CEP164: variants seen among roughly 807,000 people sequenced by gnomAD.
The protein encoded by CEP164 is centrosomal protein 164, also known as centrosomal protein of 164 kDa.
CEP164 carries 162 observed loss-of-function variants against 182.7 expected under a neutral mutation model. That is an observed-to-expected ratio of 0.89 (90% CI 0.78 to 1.01). The LOEUF is 1.01. CEP164 is among the 50% of genes least tolerant of loss of function. CEP164 has a pLI of 0.00. For missense variants in CEP164, 1,735 were observed against 1,790.4 expected (o/e 0.97, Z 0.56); for synonymous variants, 661 against 690.0 (o/e 0.96, Z 0.66).
At chr11:117,327,686 C>T (rs1386034958), upstream of CEP164, among the ~76,000 whole-genome samples, 2 of 152,164 alleles carry the variant, frequency 1.3e-5, no homozygotes, top group African/African-American at 4.8e-5. Flanking sequence ...TTCCCATTAT[C>T]TATCTTAAAC....
chr11:117,388,774 T>C (rs868411615), intron 15 of CEP164, among the ~76,000 whole-genome samples: 3 of 146,948 alleles, frequency 2.0e-5, no homozygotes, highest in Admixed American at 1.3e-4. Context: ...TTTCTCTCTT[T>C]TTTTTTTTTT....
chr11:117,342,897 T>G (rs1373153430), intron 3 of CEP164, among the ~76,000 whole-genome samples: 2 of 152,020 alleles, frequency 1.3e-5, no homozygotes, highest in African/African-American at 4.8e-5. Context: ...TTGTTTGAGA[T>G]GAAGTCTTGC....
Position 117,390,821 on chromosome 11 carries a change from C to A in CEP164, c.1979C>A (p.Ala660Asp). The stretch of plus-strand genomic sequence containing the variant: ...CAGAAAGCCATTGAGGAGGAGGAGG[C>A]CCGGATGAGAGAGGAGGAAAGCCAG... Reference protein sequence around the residue: ...RLQKAIEEEEARMREEESQRL... With the variant: ...RLQKAIEEEEDRMREEESQRL... The change falls in exon 16 of 33, where the codon GCC becomes GAC. Residue 660 changes from alanine to aspartate, a missense_variant. Coordinates refer to ENST00000278935, the MANE Select transcript of CEP164 (RefSeq NM_014956.5). 6.2e-7 allele frequency: 1 copy of A among 1,613,678 alleles called. No individual in the cohort carries two copies. The highest frequency in any genetic ancestry group is 8.5e-7 in the Non-Finnish European group (1 of 1,179,952).
chr11:117,333,941 G>A lies in CEP164; in HGVS notation c.-97-1664G>A, dbSNP rs563578591. ...TTCTTGCCTCGTGTTGCCTTCTGCT[G>A]AAGGACTTTTGCATGCATCTGTTAG... On this transcript the variant is annotated intron_variant, in intron 1 of 32. Coordinates refer to ENST00000278935, the MANE Select transcript of CEP164 (RefSeq NM_014956.5). Among the ~76,000 whole-genome samples, 274 of 152,318 alleles carry A rather than the reference G, an allele frequency of 1.8e-3. 7 individuals are homozygous for A. The South Asian group carries it at 0.053, about 29-fold the overall frequency.
At position 117,407,962 on chromosome 11, in the gene CEP164, G is replaced by A. The variant is rs568896676; in HGVS notation, c.3539G>A (p.Arg1180Gln). The A allele has an allele frequency of 1.1e-5, 17 of 1,601,766 alleles. No homozygotes were observed. The highest frequency in any genetic ancestry group is 5.7e-5 in the South Asian group (5 of 88,158). ...CTGGATGAGATGAAGTCGGCCATGCGGAAAGGCCACAACCTGCTGAAGAAG... is the reference window on the plus strand; with the variant it reads ...CTGGATGAGATGAAGTCGGCCATGCAGAAAGGCCACAACCTGCTGAAGAAG... ...RHLDEMKSAM[R>Q]KGHNLLKKKE... is the part of the protein sequence containing the mutation. The change falls in exon 28 of 33, where the codon CGG becomes CAG. Residue 1180 changes from arginine to glutamine, a missense_variant. Coordinates refer to ENST00000278935, the MANE Select transcript of CEP164 (RefSeq NM_014956.5).
intron 11 of CEP164, 69 bp from the exon 12 acceptor site, chr11:117,380,545 C>A: frequency 1.6e-6 from 2 of 1,279,528 alleles, no homozygotes; most frequent in Non-Finnish European, 2.2e-6. Flanking sequence ...GCTTGAGAGC[C>A]AGCAGGAGGA....
chr11:117,341,440 GTTGT>G (rs1235977555), intron 3 of CEP164, among the ~76,000 whole-genome samples: 9 of 130,376 alleles, frequency 6.9e-5, no homozygotes, highest in African/African-American at 1.3e-4. Flanking sequence ...GCCTTTTTTT[GTTGT>G]TTGTTTGTTT....
intron 27 of CEP164, among the ~76,000 whole-genome samples, chr11:117,403,976 T>G (rs2046413262): frequency 6.6e-6 from 1 of 152,002 alleles, no homozygotes; most frequent in Non-Finnish European, 1.5e-5. Flanking sequence ...CTTCACAAAG[T>G]TCTCGTGCTT....
At position 117,411,011 on chromosome 11, in the gene CEP164, C is replaced by A; in HGVS notation, c.4163+117C>A. Reference sequence around the variant, plus strand: ...ACCTCCTGGTCTTACCCCAAGAAATCAGGCAGGCCTCTAGTCCACAGAGCT... The same window carrying A: ...ACCTCCTGGTCTTACCCCAAGAAATAAGGCAGGCCTCTAGTCCACAGAGCT... On this transcript the variant is annotated intron_variant, in intron 31 of 32. Coordinates refer to ENST00000278935, the MANE Select transcript of CEP164 (RefSeq NM_014956.5). The surrounding 1 kb of genome is among the most constrained non-coding windows in gnomAD (Gnocchi z 4.4). 1.1e-6 allele frequency: 1 copy of A among 903,918 alleles called. No homozygotes were observed. The highest frequency in any genetic ancestry group is 1.6e-5 in the African/African-American group (1 of 61,228). 56.0% of individuals were successfully genotyped at this position (903,918 alleles called of 1,614,324 possible).
At chr11:117,401,199 G>A (rs1413965196) in intron 27 of CEP164, among the ~76,000 whole-genome samples, 3 of 152,036 alleles carry the variant, frequency 2.0e-5, no homozygotes, top group African/African-American at 7.3e-5. Flanking sequence ...AGCATGAAGG[G>A]GTGTCAAATT....
intron 1 of CEP164, among the ~76,000 whole-genome samples, chr11:117,331,716 T>C (rs1281657338): frequency 6.6e-6 from 1 of 150,838 alleles, no homozygotes; most frequent in Non-Finnish European, 1.5e-5. Flanking sequence ...CCAAAACTAC[T>C]GCGGGTCTTC....
intron 27 of CEP164, among the ~76,000 whole-genome samples, chr11:117,403,200 A>T (rs1009385185): frequency 2.6e-5 from 4 of 152,152 alleles, no homozygotes; most frequent in African/African-American, 4.8e-5. Flanking sequence ...TGTGAATTTG[A>T]TCCTGTCATT....
At chr11:117,325,674 C>T (rs149249364), upstream of CEP164, among the ~76,000 whole-genome samples, 103 of 152,284 alleles carry the variant, frequency 6.8e-4, no homozygotes, top group African/African-American at 2.5e-3. Flanking sequence ...GTGTGAGCCA[C>T]TGTGACCGGC....
chr11:117,388,388 A>G (rs184719193), intron 15 of CEP164, among the ~76,000 whole-genome samples: 1 of 152,374 alleles, frequency 6.6e-6, no homozygotes, highest in African/African-American at 2.4e-5. Context: ...ATATTCAGGC[A>G]TTCTTGACTA....
intron 15 of CEP164, among the ~76,000 whole-genome samples, chr11:117,388,847 G>C (rs1454456666): frequency 6.6e-6 from 1 of 151,244 alleles, no homozygotes; most frequent in Non-Finnish European, 1.5e-5. Flanking sequence ...CTCACTGCAA[G>C]CTCCGCCTCC....
chr11:117,398,312 G>A (rs1275395921), intron 27 of CEP164, among the ~76,000 whole-genome samples: 2 of 152,230 alleles, frequency 1.3e-5, no homozygotes, highest in Non-Finnish European at 2.9e-5. Flanking sequence ...GCAGCCAGAA[G>A]GCAAACCCTT....
At chr11:117,325,146 G>A (rs771132299), upstream of CEP164, among the ~76,000 whole-genome samples, 3 of 152,018 alleles carry the variant, frequency 2.0e-5, no homozygotes, top group African/African-American at 4.8e-5. Flanking sequence ...GTGCGGTGGC[G>A]TGATCTTGGC....
chr11:117,395,515 C>A, intron 23 of CEP164, 32 bp from the exon 24 acceptor site: 1 of 1,586,550 alleles, frequency 6.3e-7, no homozygotes, highest in South Asian at 1.2e-5. Context: ...TGTGCTGTCT[C>A]TGGGTGCTTC....
At chr11:117,347,659 G>A (rs1402995845) in intron 4 of CEP164, among the ~76,000 whole-genome samples, 2 of 150,852 alleles carry the variant, frequency 1.3e-5, no homozygotes, top group Admixed American at 6.6e-5. Flanking sequence ...GCAGTGAGCC[G>A]AGATCGTGCC....
Sources: gnomAD v4.1 joint callset for allele counts (sites outside exome capture counted in the v4.1 genomes callset) on GRCh38, gnomAD v4.1.1 for gene constraint, Gnocchi (gnomAD v3.1) non-coding constraint, MANE v1.5 for transcripts, NCBI Gene and HGNC (gene_info 2026-07-23, HGNC 2026-07-21) for gene names.